Variants in RGS7 observed in about 807,000 individuals in gnomAD.
RGS7 encodes regulator of G-protein signaling 7.
A neutral mutation model predicts 81.1 loss-of-function variants in RGS7; 27 were observed. That is an observed-to-expected ratio of 0.33 (90% CI 0.25 to 0.46). The LOEUF (loss-of-function observed/expected upper bound fraction) is 0.46. RGS7 is among the 20% of genes least tolerant of loss of function. RGS7 has a pLI of 1.00. For missense variants in RGS7, 396 were observed against 607.4 expected (o/e 0.65, Z 3.66); for synonymous variants, 208 against 207.7 (o/e 1.00, Z -0.01).
chr1:241,058,599 C>T (rs1391377534), intron 3 of RGS7, among the ~76,000 whole-genome samples: 1 of 152,198 alleles, frequency 6.6e-6, no homozygotes, highest in African/African-American at 2.4e-5. Flanking sequence ...TATTTTGTTG[C>T]CATGTGACTC....
intron 3 of RGS7, among the ~76,000 whole-genome samples, chr1:241,046,585 C>T (rs775246069): frequency 3.9e-5 from 6 of 152,272 alleles, no homozygotes; most frequent in South Asian, 2.1e-4. Flanking sequence ...TTTTCTTCAA[C>T]GGCCGACACC....
At chr1:240,951,129 A>G (rs1218198180) in intron 4 of RGS7, among the ~76,000 whole-genome samples, 4 of 152,150 alleles carry the variant, frequency 2.6e-5, no homozygotes, top group Non-Finnish European at 5.9e-5. Flanking sequence ...CACATTGCCC[A>G]GTCTGGTCTT....
intron 6 of RGS7, among the ~76,000 whole-genome samples, chr1:240,908,600 G>A (rs1203700760): frequency 1.3e-5 from 2 of 152,064 alleles, no homozygotes; most frequent in African/African-American, 2.4e-5. Context: ...CTCCCTCCCT[G>A]CCAGGTAAAA....
At chr1:240,782,742 G>C (rs16840597) in intron 18 of RGS7, among the ~76,000 whole-genome samples, 5,618 of 152,180 alleles carry the variant, frequency 0.037, 108 homozygotes, top group East Asian at 0.11. Flanking sequence ...CATTTTTATA[G>C]CTAAGTTTTA....
chr1:241,056,277 T>C (rs1293076890), intron 3 of RGS7, among the ~76,000 whole-genome samples: 1 of 152,206 alleles, frequency 6.6e-6, no homozygotes, highest in African/African-American at 2.4e-5. Context: ...TCAATTCAAG[T>C]ATTACCTCCT....
chr1:241,258,352 C>T (rs1358259527), intron 2 of RGS7, among the ~76,000 whole-genome samples: 3 of 152,116 alleles, frequency 2.0e-5, no homozygotes, highest in African/African-American at 7.2e-5. Flanking sequence ...AAAGGTCTTA[C>T]ACATTTCAGG....
At chr1:240,860,509 T>C (rs1230880173) in intron 9 of RGS7, among the ~76,000 whole-genome samples, 1 of 152,172 alleles carries the variant, frequency 6.6e-6, no homozygotes, top group Non-Finnish European at 1.5e-5. Flanking sequence ...TTGTCTGAAA[T>C]TAATCTAGCT....
At chr1:240,954,784 G>GA (rs1680096074) in intron 4 of RGS7, among the ~76,000 whole-genome samples, 2 of 152,246 alleles carry the variant, frequency 1.3e-5, no homozygotes, top group Admixed American at 1.3e-4. Flanking sequence ...ATACACATTG[G>GA]AAAAGAAGAA....
chr1:241,078,301 CTGTGTGTGTGTG>C lies in RGS7; in HGVS notation c.175+20353_175+20364del, dbSNP rs71568986. 1.1e-3 allele frequency among the ~76,000 whole-genome samples: 141 copies of C among 130,268 alleles called. 2 individuals are homozygous for C. The highest frequency in any genetic ancestry group is 3.6e-3 in the African/African-American group (127 of 34,910). The allele number at this position is 130,268 out of a possible 152,430, so 85.5% of individuals were successfully genotyped here. ...TTCCTGTGATATGTGCTTCTGGTCT[CTGTGTGTGTGTG>C]TGTGTGTGTGTGTGTGTGTGTGTGT... On this transcript the variant is annotated intron_variant, in intron 3 of 18. Transcript: ENST00000440928.
chr1:241,057,161 G>A (rs2061514175), intron 3 of RGS7, among the ~76,000 whole-genome samples: 1 of 151,720 alleles, frequency 6.6e-6, no homozygotes, highest in Non-Finnish European at 1.5e-5. Flanking sequence ...TATTATGTAT[G>A]TCGTATGAGT....
intron 6 of RGS7, among the ~76,000 whole-genome samples, chr1:240,871,776 T>C (rs1201502366): frequency 6.6e-6 from 1 of 152,214 alleles, no homozygotes; most frequent in Non-Finnish European, 1.5e-5. Flanking sequence ...AGGGTGTCTC[T>C]TCATGAGAGA....
intron 2 of RGS7, among the ~76,000 whole-genome samples, chr1:241,287,046 T>C (rs1396383068): frequency 6.6e-6 from 1 of 152,190 alleles, no homozygotes; most frequent in Non-Finnish European, 1.5e-5. Context: ...CAATGACAAA[T>C]ATAGACATCA....
In RGS7 at chr1:240,843,125, G is replaced by A. The variant is rs575220801; in HGVS notation, c.610-15953C>T. ...GGTTGCAGTGAGCTGAGATCATGCC[G>A]CTGCACTCCAGCCTCGGGCACAAGA... On this transcript the variant is annotated intron_variant, in intron 9 of 18. Transcript: ENST00000440928. Among the ~76,000 whole-genome samples the A allele has an allele frequency of 1.5e-3, 230 of 151,184 alleles. 3 individuals carry two copies. Among genetic ancestry groups the A allele is most frequent in the Admixed American group, 4.4e-3 (66 of 15,154 alleles).
intron 4 of RGS7, among the ~76,000 whole-genome samples, chr1:240,982,553 T>C (rs138190468): frequency 4.2e-4 from 64 of 151,626 alleles, no homozygotes; most frequent in Middle Eastern, 6.8e-3. Flanking sequence ...TGCTACAGAA[T>C]AGACACAATG....
At chr1:241,008,673 G>A (rs2058799023) in intron 3 of RGS7, among the ~76,000 whole-genome samples, 1 of 152,130 alleles carries the variant, frequency 6.6e-6, no homozygotes, top group Admixed American at 6.6e-5. Flanking sequence ...AGCACTTTGG[G>A]AGGCTGAGGT....
intron 2 of RGS7, among the ~76,000 whole-genome samples, chr1:241,348,565 C>T (rs2083048173): frequency 6.6e-6 from 1 of 152,182 alleles, no homozygotes; most frequent in Non-Finnish European, 1.5e-5. Flanking sequence ...ATTCAAGCTG[C>T]GTGACTTCAG....
chr1:240,927,039 T>C (rs1354787647), intron 6 of RGS7, among the ~76,000 whole-genome samples: 5 of 152,058 alleles, frequency 3.3e-5, no homozygotes, highest in African/African-American at 1.2e-4. Context: ...ACTAACAAAA[T>C]GAAATAAACT....
chr1:241,270,902 G>A (rs1165253364), intron 2 of RGS7, among the ~76,000 whole-genome samples: 4 of 120,178 alleles, frequency 3.3e-5, no homozygotes, highest in Non-Finnish European at 5.1e-5. Flanking sequence ...GGGGCTACAG[G>A]AGCCCACCAC....
chr1:240,776,685 A>G (rs979005973), intron 18 of RGS7, among the ~76,000 whole-genome samples: 2 of 152,226 alleles, frequency 1.3e-5, no homozygotes, highest in South Asian at 2.1e-4. Context: ...TGTAGAGGAT[A>G]CGATTTAATT....
Sources: gnomAD v4.1 joint callset for allele counts (sites outside exome capture counted in the v4.1 genomes callset) on GRCh38, gnomAD v4.1.1 for gene constraint, MANE v1.5 for transcripts, NCBI Gene and HGNC (gene_info 2026-07-23, HGNC 2026-07-21) for gene names.